The following OPCML variants were observed in gnomAD, a reference collection of about 807,000 sequenced individuals.
OPCML encodes opioid-binding protein/cell adhesion molecule.
A neutral mutation model predicts 37.8 loss-of-function variants in OPCML; 13 were observed. That is an observed-to-expected ratio of 0.34 (90% CI 0.22 to 0.55). The LOEUF is 0.55. Ranked by LOEUF, OPCML falls within the 20% of genes least tolerant of loss-of-function variation. The probability of loss-of-function intolerance (pLI) is 0.91; values close to 1 mark genes in which losing one functional copy is unlikely to be tolerated. For synonymous variants in OPCML, 176 were observed against 168.8 expected (o/e 1.04, Z -0.33); for missense variants, 341 against 435.6 (o/e 0.78, Z 1.93).
chr11:133,426,336 C>T (rs956974265), intron 1 of OPCML, among the ~76,000 whole-genome samples: 48 of 152,100 alleles, frequency 3.2e-4, no homozygotes, highest in African/African-American at 1.1e-3. Flanking sequence ...TCTCTATCAA[C>T]TTTCTACAAA....
At chr11:133,520,962 GCCT>G (rs1948384639) in intron 1 of OPCML, among the ~76,000 whole-genome samples, 2 of 152,128 alleles carry the variant, frequency 1.3e-5, no homozygotes, top group Admixed American at 1.3e-4. Context: ...CCCTGGATAG[GCCT>G]CCTGCTCCAA....
intron 2 of OPCML, among the ~76,000 whole-genome samples, chr11:132,735,782 C>T (rs530545460): frequency 6.6e-6 from 1 of 152,276 alleles, no homozygotes; most frequent in South Asian, 2.1e-4. Flanking sequence ...CGCACCTGGC[C>T]ACAAAAGGAT....
At chr11:132,601,476 G>A (rs1184159957) in intron 3 of OPCML, among the ~76,000 whole-genome samples, 2 of 152,166 alleles carry the variant, frequency 1.3e-5, no homozygotes, top group African/African-American at 2.4e-5. Context: ...TAGAAAGCAC[G>A]AATATTATAT....
At chr11:133,481,731 C>T (rs1194200089) in intron 1 of OPCML, among the ~76,000 whole-genome samples, 1 of 151,474 alleles carries the variant, frequency 6.6e-6, no homozygotes, top group Non-Finnish European at 1.5e-5. Flanking sequence ...TGAGATGAGA[C>T]AGAAAAAAAG....
At chr11:133,252,220 C>A (rs2136436095) in intron 1 of OPCML, among the ~76,000 whole-genome samples, 1 of 152,204 alleles carries the variant, frequency 6.6e-6, no homozygotes, top group East Asian at 1.9e-4. Flanking sequence ...CATACATATT[C>A]TTTATTAAAA....
chr11:132,685,184 G>A (rs559530535), intron 2 of OPCML, among the ~76,000 whole-genome samples: 2 of 152,122 alleles, frequency 1.3e-5, no homozygotes, highest in African/African-American at 2.4e-5. Context: ...CATGCCAATA[G>A]TCTATTGCAA....
chr11:132,467,569 G>A (rs1311675225), intron 4 of OPCML, among the ~76,000 whole-genome samples: 1 of 152,204 alleles, frequency 6.6e-6, no homozygotes, highest in Non-Finnish European at 1.5e-5. Context: ...AGAGTTGGAA[G>A]TGGATCTGGA....
At chr11:133,266,313 C>T (rs1941657789) in intron 1 of OPCML, among the ~76,000 whole-genome samples, 1 of 152,120 alleles carries the variant, frequency 6.6e-6, no homozygotes, top group Non-Finnish European at 1.5e-5. Context: ...ATTTTCACTC[C>T]TTCAAACTTG....
intron 1 of OPCML, chr11:133,024,633 C>T (rs1168593424): frequency 5.4e-6 from 5 of 933,966 alleles, no homozygotes; most frequent in South Asian, 4.9e-5. Flanking sequence ...AAGCAAGTCT[C>T]AGACTTTCCC....
intron 1 of OPCML, among the ~76,000 whole-genome samples, chr11:133,508,343 C>T (rs570280694): frequency 6.6e-6 from 1 of 152,326 alleles, no homozygotes; most frequent in African/African-American, 2.4e-5. Context: ...CTAGGAACCA[C>T]ATTTTGAGTG....
At chr11:132,686,771 T>G (rs992120165) in intron 2 of OPCML, among the ~76,000 whole-genome samples, 1 of 152,226 alleles carries the variant, frequency 6.6e-6, no homozygotes, top group African/African-American at 2.4e-5. Flanking sequence ...TTCTCCCACA[T>G]TGATGTTTCG....
At chr11:133,400,152 G>A (rs1945371626) in intron 1 of OPCML, among the ~76,000 whole-genome samples, 2 of 152,134 alleles carry the variant, frequency 1.3e-5, no homozygotes, top group Admixed American at 6.6e-5. Context: ...AGTTCCAAAT[G>A]CCCAGCAGGA....
intron 2 of OPCML, among the ~76,000 whole-genome samples, chr11:132,693,245 T>G (rs1268121111): frequency 6.6e-6 from 1 of 152,172 alleles, no homozygotes; most frequent in Non-Finnish European, 1.5e-5. Context: ...AAGACTGTGC[T>G]CTAAGATTGA....
At chr11:132,978,786 GTAGAT>G (rs1452682035) in intron 1 of OPCML, among the ~76,000 whole-genome samples, 2 of 152,026 alleles carry the variant, frequency 1.3e-5, no homozygotes, top group Non-Finnish European at 2.9e-5. Flanking sequence ...TGTATAATGT[GTAGAT>G]TATACATGTG....
chr11:132,748,774 G>C (rs1945732613), intron 2 of OPCML, among the ~76,000 whole-genome samples: 1 of 152,186 alleles, frequency 6.6e-6, no homozygotes, highest in Admixed American at 6.5e-5. Flanking sequence ...CTGTTCTGCG[G>C]AGAGGATCTG....
At chr11:132,646,425 C>A (rs1179245194) in intron 3 of OPCML, among the ~76,000 whole-genome samples, 2 of 152,174 alleles carry the variant, frequency 1.3e-5, no homozygotes, top group Non-Finnish European at 2.9e-5. Context: ...TCATTGTCAA[C>A]AGGGATCCAT....
At chr11:132,918,200 T>C (rs1025944520) in intron 2 of OPCML, among the ~76,000 whole-genome samples, 13 of 152,326 alleles carry the variant, frequency 8.5e-5, no homozygotes, top group African/African-American at 2.4e-4. Context: ...TTTGTATCCC[T>C]TTTTTCTAGT....
At position 132,590,841 on chromosome 11, in the gene OPCML, T is replaced by C. The variant is rs563321895; in HGVS notation, c.380-61655A>G. On this transcript the variant is annotated intron_variant, in intron 3 of 7. Transcript: ENST00000524381. The stretch of plus-strand genomic sequence containing the variant: ...GCCGGGTGCCCTTTCGTCCTGGAGA[T>C]TCTGGTTTCCTTGAAAATTTATCTG... 9.1e-4 allele frequency among the ~76,000 whole-genome samples: 138 copies of C among 152,264 alleles called. 3 individuals are homozygous for C. In the South Asian group the frequency reaches 0.028, roughly 31 times the overall value.
intron 1 of OPCML, among the ~76,000 whole-genome samples, chr11:133,266,609 G>A (rs1209980757): frequency 1.3e-5 from 2 of 152,102 alleles, no homozygotes; most frequent in Non-Finnish European, 2.9e-5. Context: ...ACACTATCTG[G>A]CATGTATTAG....
Sources: gnomAD v4.1 joint callset for allele counts (sites outside exome capture counted in the v4.1 genomes callset) on GRCh38, gnomAD v4.1.1 for gene constraint, MANE v1.5 for transcripts, NCBI Gene and HGNC (gene_info 2026-07-23, HGNC 2026-07-21) for gene names.